Variants in NYAP2 observed in about 807,000 individuals in gnomAD.
NYAP2 encodes neuronal tyrosine-phosphorylated phosphoinositide-3-kinase adapter 2.
Under a neutral mutation model 50.4 loss-of-function variants are expected in NYAP2, and 23 were observed. The observed-to-expected ratio is 0.46, with a 90% CI of 0.33 to 0.65. The LOEUF (loss-of-function observed/expected upper bound fraction) is 0.65, where lower values mean the gene tolerates loss of function less well. NYAP2 is among the 30% of genes least tolerant of loss of function. The pLI, the probability that NYAP2 is intolerant of heterozygous loss-of-function variation, is 0.02. For missense variants in NYAP2, 885 were observed against 861.0 expected, an observed-to-expected ratio of 1.03 and a Z score of -0.35; for synonymous variants, 394 against 365.2, an observed-to-expected ratio of 1.08 and a Z score of -0.90.
chr2:225,538,845 TCTTTGTTTTTA>T (rs1691405277), intron 4 of NYAP2, among the ~76,000 whole-genome samples: 1 of 71,774 alleles, frequency 1.4e-5, no homozygotes, highest in African/African-American at 8.9e-5. Flanking sequence ...TTTCTTTCTT[TCTTTGTTTTTA>T]TTATTATACT....
the NYAP2 span, chr2:225,702,830 C>T: frequency 6.6e-6 from 1 of 151,548 alleles, no homozygotes; most frequent in East Asian, 1.9e-4. Flanking sequence ...TAAAGAAATG[C>T]TGTTGGATTT....
At chr2:225,455,869 G>A (rs1689730446) in intron 3 of NYAP2, among the ~76,000 whole-genome samples, 1 of 152,154 alleles carries the variant, frequency 6.6e-6, no homozygotes, top group Non-Finnish European at 1.5e-5. Flanking sequence ...TTATTGACAA[G>A]CTCTTAAAAT....
intron 6 of NYAP2, among the ~76,000 whole-genome samples, chr2:225,632,999 G>A (rs1249288315): frequency 4.6e-5 from 7 of 152,130 alleles, no homozygotes; most frequent in Non-Finnish European, 7.4e-5. Flanking sequence ...ATTAGTGTAG[G>A]CTTGAAAAAT....
At chr2:225,478,800 T>C (rs993099923) in intron 3 of NYAP2, among the ~76,000 whole-genome samples, 8 of 152,196 alleles carry the variant, frequency 5.3e-5, no homozygotes, top group Non-Finnish European at 1.5e-5. Flanking sequence ...CATTACATCC[T>C]GATATAAAAA....
At chr2:225,497,471 C>A (rs1225822058) in intron 3 of NYAP2, among the ~76,000 whole-genome samples, 1 of 152,146 alleles carries the variant, frequency 6.6e-6, no homozygotes, top group Non-Finnish European at 1.5e-5. Context: ...AAATGGACTT[C>A]AAAAATGCCA....
downstream of NYAP2, among the ~76,000 whole-genome samples, chr2:225,655,929 TACACACATACAC>T (rs1693817743): frequency 3.2e-5 from 2 of 62,264 alleles, no homozygotes; most frequent in Non-Finnish European, 3.8e-5. Context: ...CACACACACA[TACACACATACAC>T]ACACACACAC....
intron 6 of NYAP2, among the ~76,000 whole-genome samples, chr2:225,648,416 G>C (rs1467448405): frequency 6.6e-6 from 1 of 152,070 alleles, no homozygotes; most frequent in East Asian, 1.9e-4. Context: ...TAATAAATAT[G>C]GAATAATTGA....
At chr2:225,446,246 C>CTATATATATATATA (rs58633886) in intron 3 of NYAP2, among the ~76,000 whole-genome samples, 1 of 82,272 alleles carries the variant, frequency 1.2e-5, no homozygotes, top group Non-Finnish European at 2.1e-5. Context: ...CTCTCTCTCT[C>CTATATATATATATA]TATATATATA....
intron 4 of NYAP2, among the ~76,000 whole-genome samples, chr2:225,580,879 A>G (rs1203964802): frequency 3.9e-5 from 6 of 152,172 alleles, no homozygotes; most frequent in African/African-American, 1.4e-4. Flanking sequence ...TCAACTCACT[A>G]TATGCTACTA....
At chr2:225,543,177 G>C (rs1691507142) in intron 4 of NYAP2, among the ~76,000 whole-genome samples, 1 of 151,372 alleles carries the variant, frequency 6.6e-6, no homozygotes, top group Admixed American at 6.6e-5. Context: ...AAACAAAATT[G>C]ACACACCTTT....
chr2:225,431,375 C>A (rs1695363719), intron 3 of NYAP2, among the ~76,000 whole-genome samples: 1 of 152,120 alleles, frequency 6.6e-6, no homozygotes, highest in Non-Finnish European at 1.5e-5. Flanking sequence ...ATTCCATTTT[C>A]TAGTTGTTTT....
rs532989914 is a variant in NYAP2, at chr2:225,609,675, G to A, written c.1619-17242G>A. Reference sequence around the variant, plus strand: ...ATCAGAGTGAGAACCTCCAAAGTGCGGTGCTCAGGGCAGGGACACTGGTTG... The same window carrying A: ...ATCAGAGTGAGAACCTCCAAAGTGCAGTGCTCAGGGCAGGGACACTGGTTG... On this transcript the variant is annotated intron_variant, in intron 5 of 6. Coordinates refer to ENST00000636099, the Ensembl canonical transcript of NYAP2. Among the ~76,000 whole-genome samples the A allele has an allele frequency of 4.5e-3, 679 of 152,220 alleles. 9 individuals are homozygous for A. The highest frequency in any genetic ancestry group is 0.015 in the African/African-American group (630 of 41,538).
At chr2:225,403,161 GA>G (rs1470039043) in intron 2 of NYAP2, among the ~76,000 whole-genome samples, 1 of 151,686 alleles carries the variant, frequency 6.6e-6, no homozygotes, top group Non-Finnish European at 1.5e-5. Context: ...AATACTACTA[GA>G]AAAAAAGTAG....
chr2:225,485,473 T>A (rs907531160), intron 3 of NYAP2, among the ~76,000 whole-genome samples: 2 of 152,170 alleles, frequency 1.3e-5, no homozygotes, highest in Non-Finnish European at 2.9e-5. Flanking sequence ...TTAGAAAGGT[T>A]ACTTGAGAGG....
chr2:225,648,118 G>A (rs1358161939), intron 6 of NYAP2, among the ~76,000 whole-genome samples: 7 of 151,806 alleles, frequency 4.6e-5, no homozygotes, highest in African/African-American at 1.2e-4. Context: ...CTCTTGCCTC[G>A]GCCTCATGAG....
chr2:225,461,813 G>GT (rs1689838707), intron 3 of NYAP2, among the ~76,000 whole-genome samples: 1 of 152,164 alleles, frequency 6.6e-6, no homozygotes. Flanking sequence ...TGAATCATTG[G>GT]TGATAATAAT....
chr2:225,641,123 G>A (rs895932040), intron 6 of NYAP2, among the ~76,000 whole-genome samples: 1 of 151,988 alleles, frequency 6.6e-6, no homozygotes, highest in African/African-American at 2.4e-5. Context: ...ACGGCAGGGC[G>A]GTGGTTCCAC....
At chr2:225,432,359 G>A (rs1173002566) in intron 3 of NYAP2, among the ~76,000 whole-genome samples, 1 of 150,462 alleles carries the variant, frequency 6.6e-6, no homozygotes, top group East Asian at 1.9e-4. Context: ...ATGTACATTT[G>A]TACTGTGTTA....
chr2:225,416,322 T>C (rs1044284388), intron 3 of NYAP2, among the ~76,000 whole-genome samples: 3 of 152,208 alleles, frequency 2.0e-5, no homozygotes, highest in African/African-American at 4.8e-5. Flanking sequence ...AGAAAAATTC[T>C]TTATTGAGCC....
Sources: gnomAD v4.1 joint callset for allele counts (sites outside exome capture counted in the v4.1 genomes callset) on GRCh38, gnomAD v4.1.1 for gene constraint, MANE v1.5 for transcripts, NCBI Gene and HGNC (gene_info 2026-07-23, HGNC 2026-07-21) for gene names.